Variants in SLC25A25 observed in about 807,000 individuals in gnomAD.
SLC25A25 encodes mitochondrial adenyl nucleotide antiporter SLC25A25.
In SLC25A25, 32 loss-of-function variants were observed where a neutral mutation model predicts 57.7. The observed-to-expected ratio is 0.55, with a 90% confidence interval of 0.42 to 0.74. SLC25A25 has a LOEUF of 0.74. Ranked by LOEUF, SLC25A25 falls within the 30% of genes least tolerant of loss-of-function variation. The pLI is 0.00. For missense variants in SLC25A25, 556 were observed against 701.3 expected, an observed-to-expected ratio of 0.79 and a Z score of 2.34; for synonymous variants, 306 against 291.2, an observed-to-expected ratio of 1.05 and a Z score of -0.52.
At chr9:128,096,520 A>G (rs977091798) in intron 1 of SLC25A25, among the ~76,000 whole-genome samples, 4 of 152,208 alleles carry the variant, frequency 2.6e-5, no homozygotes, top group Admixed American at 1.3e-4. Context: ...AAAAATAATA[A>G]TAATAATGAT....
At chr9:128,092,016 AC>A in intron 1 of SLC25A25, 1 of 1,613,956 alleles carries the variant, frequency 6.2e-7, no homozygotes, top group Non-Finnish European at 8.5e-7. Flanking sequence ...GGGAAACAGG[AC>A]GGAAGGGCTG....
At chr9:128,082,061 C>T (rs1833167676) in intron 1 of SLC25A25, among the ~76,000 whole-genome samples, 1 of 152,144 alleles carries the variant, frequency 6.6e-6, no homozygotes, top group South Asian at 2.1e-4. Flanking sequence ...AAGAAAAAGA[C>T]ATCTTTAATA....
chr9:128,090,160 G>T (rs114337124), intron 1 of SLC25A25, among the ~76,000 whole-genome samples: 2,805 of 152,102 alleles, frequency 0.018, 71 homozygotes, highest in African/African-American at 0.064. Flanking sequence ...GGAATAAATG[G>T]CAGCACACAA....
At chr9:128,068,975 G>T (rs944398049) in intron 1 of SLC25A25, among the ~76,000 whole-genome samples, 11 of 152,100 alleles carry the variant, frequency 7.2e-5, no homozygotes, top group Non-Finnish European at 1.6e-4. Context: ...TTTCCCTCTC[G>T]TTTCCATGCC....
At chr9:128,085,804 C>T (rs1833261954) in intron 1 of SLC25A25, among the ~76,000 whole-genome samples, 1 of 151,996 alleles carries the variant, frequency 6.6e-6, no homozygotes, top group African/African-American at 2.4e-5. Flanking sequence ...TTGATTTCTC[C>T]TTTGACATAT....
intron 6 of SLC25A25, among the ~76,000 whole-genome samples, chr9:128,105,186 T>TCC (rs1564195559): frequency 3.7e-5 from 3 of 80,918 alleles, no homozygotes; most frequent in African/African-American, 1.4e-4. Flanking sequence ...TTTTTTTTTT[T>TCC]CTAAAATAGA....
chr9:128,072,452 C>T (rs113215289), intron 1 of SLC25A25, among the ~76,000 whole-genome samples: 2,514 of 152,290 alleles, frequency 0.017, 45 homozygotes, highest in Non-Finnish European at 0.021. Context: ...GCTGTGAGTG[C>T]TTATCAGGGG....
rs1209636161 is a variant in SLC25A25, at chr9:128,109,182, A to G, written c.*1738A>G. 1 of 152,614 alleles carries G rather than the reference A, an allele frequency of 6.6e-6. No homozygotes were observed. The highest frequency in any genetic ancestry group is 2.4e-5 in the African/African-American group (1 of 41,450). 9.5% of individuals were successfully genotyped at this position (152,614 alleles called of 1,614,324 possible). A position where few individuals can be genotyped will look rare whatever the true frequency, so the allele number is the denominator to read the frequency against. On this transcript the variant is annotated 3_prime_UTR_variant, in exon 11 of 11. Transcript: ENST00000373069. ...TGGAGTCGTCAAAAAGCAAATTAAG[A>G]AAGAATTGGACGTTAGAAGTTGTCA...
chr9:128,086,206 A>G lies in SLC25A25; in HGVS notation c.262-14890A>G, dbSNP rs1588761061. Among the ~76,000 whole-genome samples the G allele has an allele frequency of 2.6e-5, 4 of 151,566 alleles. 1 individual carries two copies. The highest frequency in any genetic ancestry group is 2.4e-5 in the African/African-American group (1 of 41,354). On this transcript the variant is annotated intron_variant, in intron 1 of 10. Coordinates refer to ENST00000373069, the MANE Select transcript of SLC25A25 (RefSeq NM_001330988.2). ...TAGACAAGATCTCACTCTGTTGCCC[A>G]GGCTAGAATGTGTGGTGTGATCATA...
intron 1 of SLC25A25, among the ~76,000 whole-genome samples, chr9:128,075,079 G>T (rs1448069705): frequency 6.6e-6 from 1 of 152,236 alleles, no homozygotes; most frequent in Non-Finnish European, 1.5e-5. Context: ...GGAGGCTGCA[G>T]TGAGCCAAGA....
rs1335423142 is a variant in SLC25A25 at position 128,099,220 on chromosome 9, G to A, written c.262-1876G>A. 1.2e-5 allele frequency: 15 copies of A among 1,288,448 alleles called. No homozygotes were observed. The highest frequency in any genetic ancestry group is 1.1e-4 in the East Asian group (2 of 17,820). The allele number at this position is 1,288,448 out of a possible 1,614,324, so 79.8% of individuals were successfully genotyped here. On this transcript the variant is annotated intron_variant, in intron 1 of 10. Coordinates refer to ENST00000373069, the MANE Select transcript of SLC25A25 (RefSeq NM_001330988.2). The surrounding 1 kb of genome is among the most constrained non-coding windows in gnomAD (Gnocchi z 6.8). ...GTGAGGAAGCCGAGCTGCAGAGTCCGGAGGCCCCTTGCCACCTCGGCTTCT... is the reference window on the plus strand; with the variant it reads ...GTGAGGAAGCCGAGCTGCAGAGTCCAGAGGCCCCTTGCCACCTCGGCTTCT...
chr9:128,100,992 C>G (rs1423166009), intron 1 of SLC25A25, 104 bp from the exon 2 acceptor site: 1 of 1,513,066 alleles, frequency 6.6e-7, no homozygotes, highest in East Asian at 2.3e-5. Flanking sequence ...GGGGCCAGCT[C>G]TGCTCGCAAT....
rs144326872 is a variant in SLC25A25 at position 128,092,022 on chromosome 9, G to A, written c.262-9074G>A. 6.2e-6 allele frequency: 10 copies of A among 1,614,036 alleles called. No homozygotes were observed. In the East Asian group the frequency reaches 1.1e-4, roughly 18 times the overall value. On this transcript the variant is annotated intron_variant, in intron 1 of 10. Coordinates refer to ENST00000373069, the MANE Select transcript of SLC25A25 (RefSeq NM_001330988.2). The stretch of plus-strand genomic sequence containing the variant: ...AGCTTTTTGGGGAAACAGGACGGAA[G>A]GGCTGAGGCCACGGAAAAAAGACCC...
At chr9:128,088,547 A>T (rs193302650) in intron 1 of SLC25A25, among the ~76,000 whole-genome samples, 1 of 152,292 alleles carries the variant, frequency 6.6e-6, no homozygotes, top group African/African-American at 2.4e-5. Context: ...CTCTGCACCT[A>T]GACTGGAAGC....
intron 1 of SLC25A25, among the ~76,000 whole-genome samples, chr9:128,077,975 G>A (rs372671395): frequency 4.0e-5 from 6 of 151,690 alleles, no homozygotes; most frequent in African/African-American, 1.2e-4. Context: ...GCAGTGAACC[G>A]AGACTGCGCC....
intron 1 of SLC25A25, among the ~76,000 whole-genome samples, chr9:128,081,922 A>AAAAAT (rs5900786): frequency 0.74 from 112,301 of 151,378 alleles, 43,470 homozygotes; most frequent in Non-Finnish European, 0.85. Flanking sequence ...CTGTCTCAAA[A>AAAAAT]AAAATAAAGT....
chr9:128,102,115 A>C lies in SLC25A25; in HGVS notation c.512A>C (p.Tyr171Ser). The change falls in exon 4 of 11, where the codon TAC (tyrosine) becomes TCC (serine). Residue 171 changes from tyrosine (Y) to serine (S), a missense_variant and splice_region_variant. Physicochemically the swap from Tyr to Ser is moderately radical, Grantham distance 144 (BLOSUM62 -2). Around this residue, in one of 3 missense-constraint regions of SLC25A25, gnomAD observed 248 missense variants for 273.5 expected, o/e 0.91. Coordinates refer to ENST00000373069, the MANE Select transcript of SLC25A25 (RefSeq NM_001330988.2). The surrounding 1 kb of genome is among the most constrained non-coding windows in gnomAD (Gnocchi z 4.1). ...RTGHFWGPVT[Y>S]MDKNGTMTID... ...GGCCATTTCTGGGGCCCTGTCACCT[A>C]GTAAGTATCCATGTCGCTCATGACT... 1 of 1,550,596 alleles carries C rather than the reference A, an allele frequency of 6.4e-7. No homozygotes were observed. Among genetic ancestry groups the C allele is most frequent in the South Asian group, 1.2e-5 (1 of 84,064 alleles).
chr9:128,106,131 T>G lies in SLC25A25; in HGVS notation c.937-19T>G, dbSNP rs747197670. The G allele has an allele frequency of 5.6e-6, 9 of 1,614,066 alleles. No homozygotes were observed. The highest frequency in any genetic ancestry group is 7.6e-6 in the Non-Finnish European group (9 of 1,179,942). ...CAACCTCTGGGTATATCAGGTGGTT[T>G]GTTTGTTCCTGGTTCTAGATCAAGC... On this transcript the variant is annotated intron_variant, in intron 7 of 10. Transcript: ENST00000373069.
intron 1 of SLC25A25, among the ~76,000 whole-genome samples, chr9:128,080,621 C>T (rs1398366389): frequency 1.3e-5 from 2 of 151,692 alleles, no homozygotes; most frequent in Non-Finnish European, 2.9e-5. Context: ...GATGAGGTTT[C>T]ACCATGCTGG....
Sources: allele counts gnomAD v4.1 joint callset (sites outside exome capture counted in the v4.1 genomes callset), GRCh38; gene constraint gnomAD v4.1.1; regional missense constraint gnomAD v4.1.1; non-coding constraint Gnocchi (gnomAD v3.1); transcripts MANE v1.5; gene names NCBI Gene and HGNC (gene_info 2026-07-23, HGNC 2026-07-21).